Variants in USP8 observed in about 807,000 individuals in gnomAD.
USP8 encodes the protein ubiquitin specific peptidase 8, also known as ubiquitin carboxyl-terminal hydrolase 8.
In USP8, 27 loss-of-function variants were observed where a neutral mutation model predicts 130.0. That is an observed-to-expected ratio of 0.21 (90% CI 0.15 to 0.29). USP8 has a LOEUF of 0.29. USP8 is among the 10% of genes least tolerant of loss of function. USP8 has a pLI of 1.00. For missense variants in USP8, 1,029 were observed against 1,312.2 expected, an observed-to-expected ratio of 0.78 and a Z score of 3.33; for synonymous variants, 392 against 444.1, an observed-to-expected ratio of 0.88 and a Z score of 1.48.
In USP8 at chr15:50,493,869, G is replaced by A. The variant is rs147633049; in HGVS notation, c.2448-201G>A. On this transcript the variant is annotated intron_variant, in intron 15 of 19. Coordinates refer to ENST00000307179, the MANE Select transcript of USP8 (RefSeq NM_005154.5). The stretch of plus-strand genomic sequence containing the variant: ...ATGATGAGGAGACCATGCAGGGCTT[G>A]CAGCCAAAAGAAGGAAGCTGAAGGG... The A allele has an allele frequency of 1.5e-3, 1,131 of 731,510 alleles. 10 individuals carry two copies. Among genetic ancestry groups the A allele is most frequent in the East Asian group, 0.012 (452 of 37,438 alleles). 45.3% of individuals were successfully genotyped at this position (731,510 alleles called of 1,614,324 possible).
intron 9 of USP8, 86 bp downstream of exon 9, chr15:50,477,079 T>C: frequency 6.5e-7 from 1 of 1,534,010 alleles, no homozygotes; most frequent in Non-Finnish European, 8.8e-7. Context: ...TGGTTGTGTG[T>C]GTATTTGTCC....
chr15:50,432,779 A>AT (rs1308049572), intron 1 of USP8, among the ~76,000 whole-genome samples: 1 of 152,058 alleles, frequency 6.6e-6, no homozygotes, highest in African/African-American at 2.4e-5. Context: ...GATGTTTGCT[A>AT]TTTTTTTAAT....
chr15:50,430,224 G>GCTAGTTCAGCTCCTTGGGTT (rs1382923199), intron 1 of USP8, among the ~76,000 whole-genome samples: 1 of 152,068 alleles, frequency 6.6e-6, no homozygotes, highest in Admixed American at 6.6e-5. Context: ...TAGAACTAGG[G>GCTAGTTCAGCTCCTTGGGTT]CTAGTTCAGC....
At chr15:50,447,449 C>T (rs906679604) in intron 3 of USP8, among the ~76,000 whole-genome samples, 1 of 152,076 alleles carries the variant, frequency 6.6e-6, no homozygotes, top group Non-Finnish European at 1.5e-5. Flanking sequence ...CCATGTTGGC[C>T]AGGCTGGTCT....
chr15:50,424,820 C>T, intron 1 of USP8, among the ~76,000 whole-genome samples: 1 of 137,296 alleles, frequency 7.3e-6, no homozygotes, highest in East Asian at 2.2e-4. Flanking sequence ...TTTCCTCTTG[C>T]TTCCGGTTTT....
chr15:50,488,451 C>A (rs1007121874), intron 12 of USP8, among the ~76,000 whole-genome samples: 1 of 151,876 alleles, frequency 6.6e-6, no homozygotes, highest in Non-Finnish European at 1.5e-5. Flanking sequence ...GCTCACCTGA[C>A]CACCTGGGCT....
intron 3 of USP8, among the ~76,000 whole-genome samples, chr15:50,448,838 A>G (rs1346587678): frequency 6.6e-6 from 1 of 152,100 alleles, no homozygotes; most frequent in Non-Finnish European, 1.5e-5. Flanking sequence ...ACTATTAATT[A>G]TTTATTTTCT....
chr15:50,495,124 TACA>T (rs2052326538), intron 16 of USP8, among the ~76,000 whole-genome samples: 2 of 152,000 alleles, frequency 1.3e-5, no homozygotes, highest in South Asian at 4.2e-4. Flanking sequence ...ATTTACATAC[TACA>T]ACTTCTTTTT....
intron 12 of USP8, among the ~76,000 whole-genome samples, chr15:50,485,202 C>G (rs1417615413): frequency 1.3e-5 from 2 of 151,968 alleles, no homozygotes; most frequent in Non-Finnish European, 2.9e-5. Context: ...GTGGCTCACG[C>G]TTGTAATCCC....
At chr15:50,481,339 A>T (rs1221352172) in intron 10 of USP8, 142 bp from the exon 11 acceptor site, 1 of 552,938 alleles carries the variant, frequency 1.8e-6, no homozygotes. Context: ...AGAAATCTTG[A>T]CACTGAGTAA....
chr15:50,429,799 A>G (rs2049871460), intron 1 of USP8, among the ~76,000 whole-genome samples: 1 of 152,206 alleles, frequency 6.6e-6, no homozygotes, highest in South Asian at 2.1e-4. Flanking sequence ...AACTGATTCT[A>G]ACATACAGCT....
chr15:50,490,834 C>T (rs1050986988), intron 14 of USP8, among the ~76,000 whole-genome samples: 4 of 152,108 alleles, frequency 2.6e-5, no homozygotes, highest in African/African-American at 4.8e-5. Flanking sequence ...CCTGTGGTCC[C>T]GGAATCTCCC....
intron 2 of USP8, among the ~76,000 whole-genome samples, chr15:50,440,258 C>G (rs1302829843): frequency 6.6e-6 from 1 of 152,178 alleles, no homozygotes; most frequent in African/African-American, 2.4e-5. Flanking sequence ...CAAGGTCAGG[C>G]CTAAGACCGT....
Position 50,510,600 on chromosome 15 carries a change from T to G in USP8, c.*11512T>G, listed in dbSNP as rs1225276276. The G allele has an allele frequency of 1.3e-5, 2 of 152,228 alleles. No homozygotes were observed. Among genetic ancestry groups the G allele is most frequent in the African/African-American group, 4.8e-5 (2 of 41,456 alleles). The allele number at this position is 152,228 out of a possible 1,614,324, so 9.4% of individuals were successfully genotyped here. ...GTAGAAGAATGTGGTTAAGGGATTA[T>G]TTTGATCTATGAAGTGTCACGATAC... On this transcript the variant is annotated 3_prime_UTR_variant, in exon 20 of 20. Coordinates refer to ENST00000307179, the MANE Select transcript of USP8 (RefSeq NM_005154.5).
intron 4 of USP8, among the ~76,000 whole-genome samples, chr15:50,450,462 C>CTTTTTTTTTT (rs35800074): frequency 2.6e-4 from 21 of 80,452 alleles, no homozygotes; most frequent in African/African-American, 5.8e-4. Context: ...GTTAGTCATT[C>CTTTTTTTTTT]TTTTTTTTTT....
chr15:50,494,700 T>C (rs2052307103), intron 16 of USP8, among the ~76,000 whole-genome samples: 1 of 152,214 alleles, frequency 6.6e-6, no homozygotes, highest in Non-Finnish European at 1.5e-5. Context: ...CATGCCTTTA[T>C]TCTTACACAT....
intron 1 of USP8, among the ~76,000 whole-genome samples, chr15:50,430,175 T>C (rs1469397472): frequency 1.3e-5 from 2 of 152,138 alleles, no homozygotes; most frequent in African/African-American, 4.8e-5. Context: ...TAGGTATCTA[T>C]TGTTTACCTA....
intron 14 of USP8, 115 bp from the exon 15 acceptor site, chr15:50,492,586 C>T: frequency 3.1e-6 from 3 of 975,156 alleles, no homozygotes; most frequent in Non-Finnish European, 4.5e-6. Context: ...AACATATTAA[C>T]TGTTTACAAG....
intron 11 of USP8, among the ~76,000 whole-genome samples, chr15:50,482,615 G>C (rs2051814765): frequency 1.3e-5 from 2 of 152,110 alleles, no homozygotes; most frequent in Admixed American, 1.3e-4. Context: ...ACCCAAAATT[G>C]ATAGCCGTAA....
Sources: gnomAD v4.1 joint callset for allele counts (sites outside exome capture counted in the v4.1 genomes callset) on GRCh38, gnomAD v4.1.1 for gene constraint, MANE v1.5 for transcripts, NCBI Gene and HGNC (gene_info 2026-07-23, HGNC 2026-07-21) for gene names.